Variants in TMEM232 observed in about 807,000 individuals in gnomAD.
TMEM232 encodes the protein transmembrane protein 232.
In TMEM232, 80 loss-of-function variants were observed where a neutral mutation model predicts 78.8. That is an observed-to-expected ratio of 1.01 (90% CI 0.85 to 1.22). The LOEUF is 1.22. Among genes scored for constraint, TMEM232 ranks in the 50% most tolerant of loss-of-function variants. The probability of loss-of-function intolerance (pLI) is 0.00; values close to 1 mark genes in which losing one functional copy is unlikely to be tolerated. For synonymous variants in TMEM232, 297 were observed against 254.3 expected, an observed-to-expected ratio of 1.17 and a Z score of -1.60; for missense variants, 881 against 742.2, an observed-to-expected ratio of 1.19 and a Z score of -2.17.
chr5:110,540,088 A>G (rs1053714407), intron 11 of TMEM232, among the ~76,000 whole-genome samples: 1 of 152,210 alleles, frequency 6.6e-6, no homozygotes, highest in Admixed American at 6.5e-5. Flanking sequence ...AGTTAAAAAT[A>G]GGCTCTCACC....
At position 110,726,639 on chromosome 5, in the gene TMEM232, A is replaced by C. The variant is rs573602126; in HGVS notation, c.-25T>G. On this transcript the variant is annotated 5_prime_UTR_variant, in exon 1 of 14. Coordinates refer to ENST00000455884, the MANE Select transcript of TMEM232 (RefSeq NM_001039763.4). ...CTTAATCACTCACCGCTGCGCTCTGAGCCGCTGGGAACCAAGGCTGGTTGC... is the reference window on the plus strand; with the variant it reads ...CTTAATCACTCACCGCTGCGCTCTGCGCCGCTGGGAACCAAGGCTGGTTGC... 2.0e-5 allele frequency: 3 copies of C among 152,296 alleles called. No homozygotes were observed. The East Asian group carries it at 5.8e-4, about 29-fold the overall frequency. 9.4% of individuals were successfully genotyped at this position (152,296 alleles called of 1,614,324 possible). A position where few individuals can be genotyped will look rare whatever the true frequency, so the allele number is the denominator to read the frequency against.
intron 11 of TMEM232, among the ~76,000 whole-genome samples, chr5:110,556,856 T>A (rs1324810565): frequency 6.6e-6 from 1 of 152,180 alleles, no homozygotes; most frequent in African/African-American, 2.4e-5. Flanking sequence ...TAACTATGAG[T>A]CTTGATGATG....
At chr5:110,580,970 T>C (rs1176697485) in intron 10 of TMEM232, among the ~76,000 whole-genome samples, 1 of 151,526 alleles carries the variant, frequency 6.6e-6, no homozygotes, top group African/African-American at 2.4e-5. Flanking sequence ...GGTGGTTAGA[T>C]CTCTATAAGG....
intron 10 of TMEM232, among the ~76,000 whole-genome samples, chr5:110,584,579 CA>C (rs1240269716): frequency 6.6e-6 from 1 of 152,042 alleles, no homozygotes; most frequent in Non-Finnish European, 1.5e-5. Flanking sequence ...TGCTGTAAAA[CA>C]TTGTGTCTCT....
chr5:110,727,371 G>T (rs935170053), upstream of TMEM232, among the ~76,000 whole-genome samples: 2 of 152,166 alleles, frequency 1.3e-5, no homozygotes, highest in Non-Finnish European at 2.9e-5. Flanking sequence ...CAGCACTTTG[G>T]GAGGCCAAGG....
chr5:110,412,982 T>A lies in TMEM232; in HGVS notation n.308+11841A>T, dbSNP rs114086581. 2.1e-3 allele frequency among the ~76,000 whole-genome samples: 321 copies of A among 152,276 alleles called. 5 individuals carry two copies. The highest frequency in any genetic ancestry group is 7.4e-3 in the African/African-American group (307 of 41,564). Reference sequence around the variant, plus strand: ...AATTTCTACTACTCTTAGTAAAAAATCTAACCTGAAATCCATGTGTGATAT... The same window carrying A: ...AATTTCTACTACTCTTAGTAAAAAAACTAACCTGAAATCCATGTGTGATAT... On this transcript the variant is annotated intron_variant and non_coding_transcript_variant, in intron 2 of 8. Transcript: ENST00000507188.
At chr5:110,582,016 G>T (rs569742258) in intron 10 of TMEM232, among the ~76,000 whole-genome samples, 1 of 151,732 alleles carries the variant, frequency 6.6e-6, no homozygotes, top group African/African-American at 2.4e-5. Context: ...AACAGATTCC[G>T]GCAAAAGTTG....
chr5:110,654,364 A>T (rs545997987), intron 2 of TMEM232, among the ~76,000 whole-genome samples: 3 of 152,314 alleles, frequency 2.0e-5, no homozygotes, highest in South Asian at 2.1e-4. Context: ...AGCTTTCTAC[A>T]TATGGCTAGC....
At chr5:110,561,383 G>C (rs1581218617) in intron 11 of TMEM232, among the ~76,000 whole-genome samples, 1 of 151,684 alleles carries the variant, frequency 6.6e-6, no homozygotes, top group African/African-American at 2.4e-5. Context: ...ATGTGTGTGT[G>C]TGTGTATATG....
chr5:110,391,348 A>AGAGAGAGAGAGAGAGAGAG (rs1580539420), intron 3 of TMEM232, among the ~76,000 whole-genome samples: 12 of 140,594 alleles, frequency 8.5e-5, no homozygotes, highest in South Asian at 2.2e-4. Context: ...AGAGAGAGAG[A>AGAGAGAGAGAGAGAGAGAG]AACCTCTGTG....
intron 1 of TMEM232, among the ~76,000 whole-genome samples, chr5:110,707,660 C>A (rs577677703): frequency 6.6e-6 from 1 of 152,318 alleles, no homozygotes; most frequent in East Asian, 1.9e-4. Context: ...TGGCACCAGC[C>A]TAGAGAGGCA....
At chr5:110,570,284 A>C (rs1776791967) in intron 10 of TMEM232, among the ~76,000 whole-genome samples, 1 of 151,998 alleles carries the variant, frequency 6.6e-6, no homozygotes. Context: ...GAATGGCATT[A>C]ATATTTTTGC....
At chr5:110,415,415 C>G (rs932366482), downstream of TMEM232, among the ~76,000 whole-genome samples, 2 of 151,860 alleles carry the variant, frequency 1.3e-5, no homozygotes, top group African/African-American at 4.8e-5. Context: ...GTCTCGATCT[C>G]CTGACCCGTG....
In TMEM232 at chr5:110,488,191, G is replaced by A. The variant is rs555392547; in HGVS notation, c.1703+40397C>T. 8.5e-5 allele frequency among the ~76,000 whole-genome samples: 13 copies of A among 152,076 alleles called. No homozygotes were observed. The South Asian group carries it at 2.1e-3, about 24-fold the overall frequency. The stretch of plus-strand genomic sequence containing the variant: ...GATCTTTTGTATTGCAGTGGTGTCC[G>A]TTTTAATATCTCCTGTTTTGTTTCT... On this transcript the variant is annotated intron_variant, in intron 12 of 13. Coordinates refer to ENST00000455884, the MANE Select transcript of TMEM232 (RefSeq NM_001039763.4).
intron 2 of TMEM232, among the ~76,000 whole-genome samples, chr5:110,403,760 T>G (rs916771163): frequency 6.6e-6 from 1 of 151,946 alleles, no homozygotes; most frequent in Non-Finnish European, 1.5e-5. Flanking sequence ...GCCAGAAATA[T>G]TCAGTATGCA....
intron 1 of TMEM232, among the ~76,000 whole-genome samples, chr5:110,706,280 A>G (rs1377328841): frequency 1.3e-5 from 2 of 152,206 alleles, no homozygotes; most frequent in Non-Finnish European, 2.9e-5. Context: ...TTATTCACAG[A>G]CTACCAAAAT....
At chr5:110,578,232 A>T (rs1777785974) in intron 10 of TMEM232, among the ~76,000 whole-genome samples, 1 of 151,944 alleles carries the variant, frequency 6.6e-6, no homozygotes, top group Non-Finnish European at 1.5e-5. Flanking sequence ...TCACTAAGCT[A>T]AATTTATTCT....
intron 12 of TMEM232, among the ~76,000 whole-genome samples, chr5:110,488,555 G>T (rs1764705516): frequency 6.6e-6 from 1 of 151,976 alleles, no homozygotes; most frequent in South Asian, 2.1e-4. Flanking sequence ...CAACAGACCA[G>T]AATTTTAGTG....
chr5:110,493,556 T>A (rs1309551819), intron 12 of TMEM232, among the ~76,000 whole-genome samples: 3 of 152,088 alleles, frequency 2.0e-5, no homozygotes, highest in Admixed American at 1.3e-4. Flanking sequence ...ATGCAATATA[T>A]ATGGCATTGG....
Sources: allele counts gnomAD v4.1 joint callset (sites outside exome capture counted in the v4.1 genomes callset), GRCh38; gene constraint gnomAD v4.1.1; transcripts MANE v1.5; gene names NCBI Gene and HGNC (gene_info 2026-07-23, HGNC 2026-07-21).